The following RAF1 variants were observed in gnomAD, a reference collection of about 807,000 sequenced individuals.
The protein encoded by RAF1 is Raf-1 proto-oncogene, serine/threonine kinase.
Under a neutral mutation model 81.1 loss-of-function variants are expected in RAF1, and 27 were observed. The observed-to-expected ratio is 0.33, with a 90% CI of 0.25 to 0.46. The LOEUF (loss-of-function observed/expected upper bound fraction) is 0.46, where lower values mean the gene tolerates loss of function less well. RAF1 is among the 20% of genes least tolerant of loss of function. RAF1 has a pLI of 1.00. For synonymous variants in RAF1, 298 were observed against 294.0 expected, an observed-to-expected ratio of 1.01 and a Z score of -0.14; for missense variants, 598 against 826.0, an observed-to-expected ratio of 0.72 and a Z score of 3.38.
At chr3:12,616,915 T>C (rs954695087) in intron 2 of RAF1, among the ~76,000 whole-genome samples, 4 of 152,196 alleles carry the variant, frequency 2.6e-5, no homozygotes, top group Non-Finnish European at 5.9e-5. Flanking sequence ...GTTTTATCCA[T>C]AATAGTAGAA....
chr3:12,610,646 A>G (rs2059181565), intron 3 of RAF1, among the ~76,000 whole-genome samples: 1 of 152,216 alleles, frequency 6.6e-6, no homozygotes, highest in Non-Finnish European at 1.5e-5. Flanking sequence ...ATTGAGAATT[A>G]CACTCACCCC....
Position 12,609,158 on chromosome 3 carries a change from A to T in RAF1, c.423+75T>A, listed in dbSNP as rs536297876. ...CAACTATATATATATATACATACGC[A>T]TATTACCTGAGAAATCTCTGTTATG... is the stretch of plus-strand genomic sequence containing the variant. On this transcript the variant is annotated intron_variant, in intron 4 of 17. Transcript: ENST00000442415. 8 of 1,172,168 alleles carry T rather than the reference A, an allele frequency of 6.8e-6. No homozygotes were observed. In the East Asian group the frequency reaches 1.9e-4, roughly 27 times the overall value. The allele number at this position is 1,172,168 out of a possible 1,614,324, so 72.6% of individuals were successfully genotyped here. A position where few individuals can be genotyped will look rare whatever the true frequency, so the allele number is the denominator to read the frequency against.
At chr3:12,604,087 C>G (rs765430391) in intron 7 of RAF1, 49 bp downstream of exon 7, 2 of 1,606,286 alleles carry the variant, frequency 1.2e-6, no homozygotes, top group Non-Finnish European at 1.7e-6. Context: ...AAGTATCAAC[C>G]TCACCCCATT....
intron 1 of RAF1, among the ~76,000 whole-genome samples, chr3:12,638,231 G>C (rs1247801856): frequency 6.6e-6 from 1 of 152,204 alleles, no homozygotes; most frequent in Non-Finnish European, 1.5e-5. Flanking sequence ...GCTCTTAAGA[G>C]TTATTTACTG....
chr3:12,624,706 AAGAG>A (rs984890501), intron 1 of RAF1, among the ~76,000 whole-genome samples: 3 of 152,134 alleles, frequency 2.0e-5, no homozygotes, highest in African/African-American at 7.2e-5. Context: ...ATCATTTAAA[AAGAG>A]AGACATGTTG....
chr3:12,604,416 G>T, intron 6 of RAF1, 127 bp from the exon 7 acceptor site: 1 of 1,018,494 alleles, frequency 9.8e-7, no homozygotes, highest in Non-Finnish European at 1.5e-6. Flanking sequence ...TTGACAAAAT[G>T]TTTGATTCTT....
At chr3:12,591,924 A>AGT in intron 11 of RAF1, 132 bp from the exon 11 acceptor site, 1 of 746,128 alleles carries the variant, frequency 1.3e-6, no homozygotes, top group East Asian at 2.7e-5. Flanking sequence ...GCAAATTTCC[A>AGT]ATTTTTTTTT....
chr3:12,618,448 A>T (rs558011194), intron 2 of RAF1, 67 bp downstream of exon 2: 1 of 1,546,178 alleles, frequency 6.5e-7, no homozygotes, highest in East Asian at 2.2e-5. Context: ...TTTAAGTTGA[A>T]CATGATCCTT....
At chr3:12,654,325 G>A (rs1030642741) in intron 1 of RAF1, among the ~76,000 whole-genome samples, 13 of 152,036 alleles carry the variant, frequency 8.6e-5, no homozygotes, top group African/African-American at 2.7e-4. Context: ...TGAGAGGCCA[G>A]GCACAGTGGC....
chr3:12,646,906 A>G (rs1315659774), intron 1 of RAF1, among the ~76,000 whole-genome samples: 1 of 151,878 alleles, frequency 6.6e-6, no homozygotes, highest in Non-Finnish European at 1.5e-5. Context: ...GCTGGTCTCA[A>G]ACTCCTGACC....
intron 1 of RAF1, among the ~76,000 whole-genome samples, chr3:12,663,010 T>G (rs1163176598): frequency 1.3e-5 from 2 of 151,972 alleles, no homozygotes; most frequent in African/African-American, 4.8e-5. Context: ...TACACTAAGT[T>G]CCATTCCTTC....
intron 1 of RAF1, among the ~76,000 whole-genome samples, 170 bp downstream of exon 1, chr3:12,663,643 G>A (rs991266447): frequency 2.0e-5 from 2 of 101,008 alleles, no homozygotes; most frequent in African/African-American, 4.6e-5. Flanking sequence ...CGGACTCCGG[G>A]GCCCCCGCCC....
At chr3:12,642,999 A>C (rs566128854) in intron 1 of RAF1, among the ~76,000 whole-genome samples, 1 of 152,318 alleles carries the variant, frequency 6.6e-6, no homozygotes, top group South Asian at 2.1e-4. Context: ...AAAGCTATGA[A>C]GAAAGAGAAG....
At chr3:12,649,940 T>C (rs926702490) in intron 1 of RAF1, among the ~76,000 whole-genome samples, 3 of 151,526 alleles carry the variant, frequency 2.0e-5, no homozygotes, top group African/African-American at 7.3e-5. Context: ...AGGTCAGGAG[T>C]TCGCGACCAG....
At chr3:12,648,071 T>C (rs2060409533) in intron 1 of RAF1, among the ~76,000 whole-genome samples, 1 of 152,230 alleles carries the variant, frequency 6.6e-6, no homozygotes, top group Non-Finnish European at 1.5e-5. Flanking sequence ...TTATTTTCAT[T>C]TTAAATCACA....
chr3:12,583,751 C>CTAGAGAAACAAGGCT lies in RAF1; in HGVS notation c.*748_*762dup, dbSNP rs2058216886. 4.3e-6 allele frequency: 1 copy of CTAGAGAAACAAGGCT among 233,200 alleles called. No homozygotes were observed. Among genetic ancestry groups the CTAGAGAAACAAGGCT allele is most frequent in the Non-Finnish European group, 8.5e-6 (1 of 118,032 alleles). 14.4% of individuals were successfully genotyped at this position (233,200 alleles called of 1,614,324 possible). On this transcript the variant is annotated 3_prime_UTR_variant, in exon 18 of 18. Transcript: ENST00000442415. ...GCTTCCTTGTATACACATGATGTGA[C>CTAGAGAAACAAGGCT]TAGAGAAACAAGGCTGTTTGTTTGT... is the stretch of plus-strand genomic sequence containing the variant.
chr3:12,652,993 T>C lies in RAF1; in HGVS notation c.-27+10820A>G, dbSNP rs1447154304. ...AAATAAATAACTGCATAAAATTAAA[T>C]GATGTTGGCTGGGTGCGGTAGCTCA... On this transcript the variant is annotated intron_variant, in intron 1 of 17. Coordinates refer to ENST00000442415, the MANE Select transcript of RAF1 (RefSeq NM_001354689.3). 2.6e-5 allele frequency among the ~76,000 whole-genome samples: 4 copies of C among 150,968 alleles called. No homozygotes were observed. The South Asian group carries it at 6.3e-4, about 24-fold the overall frequency.
At position 12,602,427 on chromosome 3, in the gene RAF1, C is replaced by G. The variant is rs1575569665; in HGVS notation, c.894+1051G>C. On this transcript the variant is annotated intron_variant, in intron 8 of 17. Transcript: ENST00000442415. ...ACTTGACACAATCATACACAGCTCACTACAACCTCAAACTCCTGGGCTCAA... is the reference window on the plus strand; with the variant it reads ...ACTTGACACAATCATACACAGCTCAGTACAACCTCAAACTCCTGGGCTCAA... Among the ~76,000 whole-genome samples the G allele has an allele frequency of 2.6e-5, 4 of 152,318 alleles. No individual in the cohort carries two copies. In the South Asian group the frequency reaches 8.3e-4, roughly 32 times the overall value.
intron 1 of RAF1, among the ~76,000 whole-genome samples, chr3:12,638,955 T>C (rs2060106735): frequency 6.6e-6 from 1 of 152,178 alleles, no homozygotes. Flanking sequence ...GGATTACGTT[T>C]ATTGATTTGC....
Sources: allele counts gnomAD v4.1 joint callset (sites outside exome capture counted in the v4.1 genomes callset), GRCh38; gene constraint gnomAD v4.1.1; transcripts MANE v1.5; gene names NCBI Gene and HGNC (gene_info 2026-07-23, HGNC 2026-07-21).